The following FNBP1 variants were observed in gnomAD, a reference collection of about 807,000 sequenced individuals.
The protein encoded by FNBP1 is formin binding protein 1.
A neutral mutation model predicts 90.6 loss-of-function variants in FNBP1; 26 were observed. That is an observed-to-expected ratio of 0.29 (90% CI 0.21 to 0.40). The LOEUF (loss-of-function observed/expected upper bound fraction) is 0.40, where lower values mean the gene tolerates loss of function less well. Among genes scored for constraint, FNBP1 ranks in the 10% least tolerant of loss-of-function variants. The pLI, the probability that FNBP1 is intolerant of heterozygous loss-of-function variation, is 1.00. For synonymous variants in FNBP1, 260 were observed against 265.2 expected (o/e 0.98, Z 0.19); for missense variants, 635 against 768.0 (o/e 0.83, Z 2.05).
In FNBP1 at chr9:129,902,891, C is replaced by A. The variant is rs751979219; in HGVS notation, c.1406G>T (p.Arg469Leu). The A allele has an allele frequency of 3.1e-6, 5 of 1,613,644 alleles. No individual in the cohort carries two copies. Among genetic ancestry groups the A allele is most frequent in the Non-Finnish European group, 4.2e-6 (5 of 1,179,820 alleles). ...TACCTCAAATTTCTGGGTCTCTACT[C>A]GCAGTTTCTCTATATTTTGGCTGAC... Reference protein sequence around the residue: ...AEVSQNIEKLRVETQKFEAWL... With the variant: ...AEVSQNIEKLLVETQKFEAWL... Residue 469 changes from arginine to leucine, a missense_variant, in exon 13 of 17, where the codon CGA becomes CTA. Transcript: ENST00000446176.
chr9:129,952,902 A>G (rs976751704), intron 6 of FNBP1, among the ~76,000 whole-genome samples: 4 of 152,180 alleles, frequency 2.6e-5, no homozygotes, highest in African/African-American at 4.8e-5. Context: ...ATTCGCATCA[A>G]TCCTGTTCCT....
chr9:129,894,239 C>T (rs2131181149), intron 16 of FNBP1, among the ~76,000 whole-genome samples: 1 of 152,178 alleles, frequency 6.6e-6, no homozygotes, highest in East Asian at 1.9e-4. Flanking sequence ...TCTATGATCT[C>T]GGGGTGGATT....
At chr9:130,049,808 C>G in the FNBP1 span, among the ~76,000 whole-genome samples, 2 of 152,090 alleles carry the variant, frequency 1.3e-5, no homozygotes, top group Non-Finnish European at 2.9e-5. Flanking sequence ...CTCCTGTTTT[C>G]TGGAGGATTT....
intron 11 of FNBP1, among the ~76,000 whole-genome samples, chr9:129,912,273 T>C (rs899969458): frequency 1.3e-5 from 2 of 152,182 alleles, no homozygotes; most frequent in African/African-American, 2.4e-5. Context: ...TTGATTGTCA[T>C]AGTGGAACAG....
upstream of FNBP1, among the ~76,000 whole-genome samples, chr9:130,047,116 G>C (rs368251667): frequency 6.6e-6 from 1 of 152,054 alleles, no homozygotes; most frequent in Non-Finnish European, 1.5e-5. Flanking sequence ...GGTGAAGTGC[G>C]AGGCTGCAGT....
chr9:130,014,180 G>A (rs929790677), intron 1 of FNBP1: 1 of 398,546 alleles, frequency 2.5e-6, no homozygotes, highest in South Asian at 1.9e-5. Context: ...GGCTTAGAAA[G>A]GGATGTGATC....
Position 130,042,105 on chromosome 9 carries a change from G to T in FNBP1, c.24+847C>A, listed in dbSNP as rs78245263. Among the ~76,000 whole-genome samples the T allele has an allele frequency of 0.021, 3,226 of 151,964 alleles. 46 individuals are homozygous for T. The highest frequency in any genetic ancestry group is 0.034 in the Middle Eastern group (10 of 294). On this transcript the variant is annotated intron_variant, in intron 1 of 16. Coordinates refer to ENST00000446176, the MANE Select transcript of FNBP1 (RefSeq NM_015033.3). The surrounding 1 kb of genome is among the most constrained non-coding windows in gnomAD (Gnocchi z 5.5). ...GAGCTCCATCCACAGCCAGCCCCTC[G>T]CCTTTCCGGGGACGGCCCTCAGCCC...
At chr9:129,917,047 C>T (rs370395675) in intron 10 of FNBP1, among the ~76,000 whole-genome samples, 2 of 151,994 alleles carry the variant, frequency 1.3e-5, no homozygotes, top group Non-Finnish European at 2.9e-5. Context: ...GGGTCTCACA[C>T]TATCGCCCAG....
intron 6 of FNBP1, among the ~76,000 whole-genome samples, chr9:129,939,744 G>A (rs1371712923): frequency 6.6e-6 from 1 of 152,142 alleles, no homozygotes; most frequent in East Asian, 1.9e-4. Context: ...CTACAATCCT[G>A]TTTTTATAAG....
rs905032993 is a variant in FNBP1 at position 129,917,019 on chromosome 9, CT to C, written c.1171-1040del. Among the ~76,000 whole-genome samples the C allele has an allele frequency of 7.2e-4, 105 of 145,032 alleles. 1 individual carries two copies. In the East Asian group the frequency reaches 0.011, roughly 16 times the overall value. The stretch of plus-strand genomic sequence containing the variant: ...TGGAGAATTATCCACTGTGACTGCT[CT>C]TTTTTTTTTTGAGACAGGGTCTCAC... On this transcript the variant is annotated intron_variant, in intron 10 of 16. Coordinates refer to ENST00000446176, the MANE Select transcript of FNBP1 (RefSeq NM_015033.3).
the FNBP1 span, among the ~76,000 whole-genome samples, chr9:130,048,805 G>C: frequency 8.4e-6 from 1 of 119,514 alleles, no homozygotes; most frequent in African/African-American, 3.2e-5. Flanking sequence ...TTTGAGATAA[G>C]AGTCTGGCTC....
At chr9:129,919,115 G>C (rs1401259955) in intron 10 of FNBP1, 1 of 855,890 alleles carries the variant, frequency 1.2e-6, no homozygotes, top group South Asian at 1.4e-5. Flanking sequence ...GGGGTTAGTG[G>C]CTGTGCCATG....
At chr9:129,892,414 C>CAAACACACAA (rs33944894) in intron 16 of FNBP1, among the ~76,000 whole-genome samples, 5 of 125,232 alleles carry the variant, frequency 4.0e-5, no homozygotes, top group Non-Finnish European at 6.9e-5. Flanking sequence ...CACACACACA[C>CAAACACACAA]ACAAAAAGGT....
intron 11 of FNBP1, among the ~76,000 whole-genome samples, chr9:129,912,690 CA>C (rs35355384): frequency 0.013 from 1,431 of 108,192 alleles, 8 homozygotes; most frequent in Middle Eastern, 0.033. Flanking sequence ...AACTCCATCT[CA>C]AAAAAAAAAA....
At chr9:129,979,274 A>G in intron 3 of FNBP1, 44 bp downstream of exon 3, 4 of 1,143,782 alleles carry the variant, frequency 3.5e-6, no homozygotes, top group Non-Finnish European at 5.2e-6. Context: ...GTAGTCATCA[A>G]TGGCATGTGT....
Position 129,887,611 on chromosome 9 carries a change from G to A in FNBP1, c.*2928C>T, listed in dbSNP as rs777689970. On this transcript the variant is annotated 3_prime_UTR_variant, in exon 17 of 17. Coordinates refer to ENST00000446176, the MANE Select transcript of FNBP1 (RefSeq NM_015033.3). ...TTGCGCTGCGCTGGTTAGACAAGCCGCAGGCTTATCTCCACGGTGAGCAGG... is the reference window on the plus strand; with the variant it reads ...TTGCGCTGCGCTGGTTAGACAAGCCACAGGCTTATCTCCACGGTGAGCAGG... 16 of 215,954 alleles carry A rather than the reference G, an allele frequency of 7.4e-5. No homozygotes were observed. The highest frequency in any genetic ancestry group is 1.1e-4 in the Non-Finnish European group (12 of 107,264). The allele number at this position is 215,954 out of a possible 1,614,324, so 13.4% of individuals were successfully genotyped here. A position where few individuals can be genotyped will look rare whatever the true frequency, so the allele number is the denominator to read the frequency against.
chr9:130,048,802 TA>T, the FNBP1 span, among the ~76,000 whole-genome samples: 2 of 139,878 alleles, frequency 1.4e-5, no homozygotes, highest in African/African-American at 5.5e-5. Context: ...TTTTTTGAGA[TA>T]AGAGTCTGGC....
intron 4 of FNBP1, among the ~76,000 whole-genome samples, chr9:129,969,727 T>C (rs2049147015): frequency 6.6e-6 from 1 of 151,826 alleles, no homozygotes; most frequent in African/African-American, 2.4e-5. Context: ...CTGGGCAACA[T>C]AGCCAGCCCT....
intron 1 of FNBP1, among the ~76,000 whole-genome samples, chr9:130,040,666 T>G (rs922258045): frequency 1.3e-5 from 2 of 151,906 alleles, no homozygotes; most frequent in African/African-American, 4.8e-5. Context: ...AAACTCCTCA[T>G]TGCCATACAC....
Sources: gnomAD v4.1 joint callset for allele counts (sites outside exome capture counted in the v4.1 genomes callset) on GRCh38, gnomAD v4.1.1 for gene constraint, Gnocchi (gnomAD v3.1) non-coding constraint, MANE v1.5 for transcripts, NCBI Gene and HGNC (gene_info 2026-07-23, HGNC 2026-07-21) for gene names.